Variants in HDGFL2 observed in about 807,000 individuals in gnomAD.
HDGFL2 encodes hepatoma-derived growth factor-related protein 2.
Under a neutral mutation model 77.1 loss-of-function variants are expected in HDGFL2, and 36 were observed. The observed-to-expected ratio is 0.47, with a 90% CI of 0.36 to 0.62. The LOEUF (loss-of-function observed/expected upper bound fraction) is 0.62. Ranked by LOEUF, HDGFL2 falls within the 20% of genes least tolerant of loss-of-function variation. The pLI, the probability that HDGFL2 is intolerant of heterozygous loss-of-function variation, is 0.00. For missense variants in HDGFL2, 976 were observed against 973.4 expected, an observed-to-expected ratio of 1.00 and a Z score of -0.04; for synonymous variants, 463 against 413.1, an observed-to-expected ratio of 1.12 and a Z score of -1.46.
chr19:4,492,473 CTG>C (rs1555687262), intron 6 of HDGFL2, among the ~76,000 whole-genome samples: 1 of 151,242 alleles, frequency 6.6e-6, no homozygotes, highest in South Asian at 2.1e-4. Context: ...GTGTGTGTGC[CTG>C]TGTGTCCATG....
intron 9 of HDGFL2, among the ~76,000 whole-genome samples, 167 bp downstream of exon 9, chr19:4,494,642 G>C (rs780406228): frequency 6.6e-6 from 1 of 152,220 alleles, no homozygotes. Context: ...GGAGGGGGCC[G>C]GGCTTGGTGG....
At position 4,499,704 on chromosome 19, in the gene HDGFL2, G is replaced by T; in HGVS notation, c.1789G>T (p.Asp597Tyr). ...GAAGGCGGAGGACAAGCCCAGCACC[G>T]GTGAGGGGCGGGTGGGGTGGGCCCT... ...QEKAEDKPST[D>Y]LSAPVNGEAT... The change falls in exon 14 of 16, where the codon GAT (aspartate) becomes TAT (tyrosine). Residue 597 changes from aspartate to tyrosine, a missense_variant and splice_region_variant. This residue lies in a region of HDGFL2 where 229 missense variants were observed against 187.3 expected (regional missense o/e 1.22). Coordinates refer to ENST00000616600, the MANE Select transcript of HDGFL2 (RefSeq NM_001001520.3). 2 of 1,562,422 alleles carry T rather than the reference G, an allele frequency of 1.3e-6. No individual in the cohort carries two copies. The highest frequency in any genetic ancestry group is 2.3e-5 in the East Asian group (1 of 43,022).
intron 3 of HDGFL2, among the ~76,000 whole-genome samples, chr19:4,483,751 C>A (rs1432742331): frequency 6.6e-6 from 1 of 151,000 alleles, no homozygotes; most frequent in Non-Finnish European, 1.5e-5. Context: ...CCATTTTGGT[C>A]ATCACACCAG....
At chr19:4,475,858 C>A (rs1490956305) in intron 3 of HDGFL2, among the ~76,000 whole-genome samples, 4 of 150,372 alleles carry the variant, frequency 2.7e-5, no homozygotes, top group African/African-American at 9.8e-5. Flanking sequence ...TCAGCCCTGG[C>A]GAGAACCCCT....
chr19:4,474,082 G>A (rs1000711823), intron 1 of HDGFL2, among the ~76,000 whole-genome samples: 11 of 152,048 alleles, frequency 7.2e-5, no homozygotes, highest in Non-Finnish European at 1.3e-4. Context: ...CAGGCCAGCG[G>A]GAAGCAGGGA....
intron 3 of HDGFL2, among the ~76,000 whole-genome samples, chr19:4,476,511 AGT>A (rs988253949): frequency 1.5e-4 from 23 of 151,874 alleles, no homozygotes; most frequent in African/African-American, 5.6e-4. Context: ...TTTCTAACAG[AGT>A]GTTATCATAG....
chr19:4,486,562 A>G (rs1443769135), intron 3 of HDGFL2, among the ~76,000 whole-genome samples: 1 of 151,286 alleles, frequency 6.6e-6, no homozygotes, highest in Non-Finnish European at 1.5e-5. Context: ...AATCTCTGCC[A>G]AGCACGGTGG....
At chr19:4,478,067 G>A (rs1288709157) in intron 3 of HDGFL2, among the ~76,000 whole-genome samples, 4 of 140,050 alleles carry the variant, frequency 2.9e-5, no homozygotes, top group Non-Finnish European at 3.1e-5. Flanking sequence ...GCAACAGAAC[G>A]AGACTCTGTC....
chr19:4,485,388 C>T (rs117268638), intron 3 of HDGFL2, among the ~76,000 whole-genome samples: 2,508 of 152,076 alleles, frequency 0.016, 14 homozygotes, highest in Middle Eastern at 0.027. Flanking sequence ...TGTTATACCA[C>T]GTTTGTTTAT....
intron 10 of HDGFL2, chr19:4,497,018 G>T: frequency 2.6e-6 from 1 of 383,096 alleles, no homozygotes; most frequent in South Asian, 1.9e-5. Context: ...GGGATTACAG[G>T]CACCCGCCAC....
intron 14 of HDGFL2, among the ~76,000 whole-genome samples, chr19:4,500,921 A>G (rs1362944852): frequency 6.6e-6 from 1 of 152,096 alleles, no homozygotes; most frequent in Non-Finnish European, 1.5e-5. Flanking sequence ...TGTCTTTCCC[A>G]GGCTGCTGTG....
At position 4,494,049 on chromosome 19, in the gene HDGFL2, C is replaced by T; in HGVS notation, c.906C>T (p.Ser302=). 1 of 1,607,750 alleles carries T rather than the reference C, an allele frequency of 6.2e-7. No individual in the cohort carries two copies. The highest frequency in any genetic ancestry group is 1.3e-5 in the African/African-American group (1 of 74,938). The part of the protein sequence containing the change: ...PKPERPPSSS[S]SDSDSDEVDR... ...CTGAACGGCCTCCGTCCAGCTCCAG[C>T]AGTGACAGGTGGGTGCTGGGGCTGG... The change falls in exon 8 of 16, where the codon AGC becomes AGT. Residue 302 remains serine, a synonymous_variant. Transcript: ENST00000616600.
Position 4,495,231 on chromosome 19 carries a change from CA to C in HDGFL2, c.1224+763del, listed in dbSNP as rs1238810944. On this transcript the variant is annotated intron_variant, in intron 9 of 15. Coordinates refer to ENST00000616600, the MANE Select transcript of HDGFL2 (RefSeq NM_001001520.3). Reference sequence around the variant, plus strand: ...TGAAACCCTGTCTCTACTAAAAATACAAAAAAATTAGCCAGGCGTTGTGGCA... The same window carrying C: ...TGAAACCCTGTCTCTACTAAAAATACAAAAAATTAGCCAGGCGTTGTGGCA... 7.9e-5 allele frequency among the ~76,000 whole-genome samples: 12 copies of C among 151,162 alleles called. No homozygotes were observed. In the South Asian group the frequency reaches 8.4e-4, roughly 11 times the overall value.
intron 3 of HDGFL2, among the ~76,000 whole-genome samples, chr19:4,483,904 C>G (rs1476648523): frequency 6.6e-6 from 1 of 151,136 alleles, no homozygotes; most frequent in East Asian, 1.9e-4. Flanking sequence ...ATTCTCCTGC[C>G]TCAGCCTCCT....
chr19:4,475,823 C>T (rs547659974), intron 3 of HDGFL2, among the ~76,000 whole-genome samples: 2 of 152,178 alleles, frequency 1.3e-5, no homozygotes, highest in Non-Finnish European at 2.9e-5. Context: ...CCAGTGTCCC[C>T]TGGGTGGAGG....
At chr19:4,480,445 G>A (rs912368784) in intron 3 of HDGFL2, among the ~76,000 whole-genome samples, 3 of 152,164 alleles carry the variant, frequency 2.0e-5, no homozygotes, top group Admixed American at 6.6e-5. Flanking sequence ...GTTGGGAGGC[G>A]TAGTGGCTCA....
chr19:4,489,631 T>C (rs1365341066), intron 4 of HDGFL2, among the ~76,000 whole-genome samples: 2 of 152,072 alleles, frequency 1.3e-5, no homozygotes, highest in Admixed American at 1.3e-4. Flanking sequence ...CTTGATCTCC[T>C]GACCTCATGA....
chr19:4,499,017 C>A (rs1232304360), intron 13 of HDGFL2, 102 bp downstream of exon 13: 9 of 807,130 alleles, frequency 1.1e-5, no homozygotes, highest in Non-Finnish European at 1.6e-5. Flanking sequence ...CGGGACAGCC[C>A]TGGGTCAGCG....
intron 4 of HDGFL2, among the ~76,000 whole-genome samples, chr19:4,491,253 ACCCCCCCACCCC>A (rs1975500478): frequency 3.2e-4 from 8 of 25,278 alleles, no homozygotes; most frequent in Non-Finnish European, 4.6e-4. Flanking sequence ...CCCACCACCC[ACCCCCCCACCCC>A]CCCACCCCCC....
Sources: allele counts gnomAD v4.1 joint callset (sites outside exome capture counted in the v4.1 genomes callset), GRCh38; gene constraint gnomAD v4.1.1; regional missense constraint gnomAD v4.1.1; transcripts MANE v1.5; gene names NCBI Gene and HGNC (gene_info 2026-07-23, HGNC 2026-07-21).